The following TRIO variants were observed in gnomAD, a reference collection of about 807,000 sequenced individuals.
The protein encoded by TRIO is trio Rho guanine nucleotide exchange factor.
TRIO carries 58 observed loss-of-function variants against 351.9 expected under a neutral mutation model. That is an observed-to-expected ratio of 0.16 (90% confidence interval 0.13 to 0.21). The LOEUF (loss-of-function observed/expected upper bound fraction) is 0.21, where lower values mean the gene tolerates loss of function less well. Ranked by LOEUF, TRIO falls within the 10% of genes least tolerant of loss-of-function variation. The pLI, the probability that TRIO is intolerant of heterozygous loss-of-function variation, is 1.00. For missense variants in TRIO, 3,201 were observed against 4,027.8 expected (o/e 0.79, Z 5.56); for synonymous variants, 1,758 against 1,595.7 (o/e 1.10, Z -2.42).
intron 1 of TRIO, among the ~76,000 whole-genome samples, chr5:14,179,266 C>T (rs1427842390): frequency 6.6e-6 from 1 of 152,062 alleles, no homozygotes; most frequent in African/African-American, 2.4e-5. Context: ...CCTGTGACTT[C>T]TTTACCATGT....
chr5:14,426,648 C>T (rs971460223), intron 34 of TRIO, among the ~76,000 whole-genome samples: 6 of 152,116 alleles, frequency 3.9e-5, no homozygotes, highest in South Asian at 2.1e-4. Flanking sequence ...TGTTTTAAAC[C>T]GTAGGCTCGG....
intron 9 of TRIO, among the ~76,000 whole-genome samples, chr5:14,329,219 C>T (rs1429488876): frequency 6.6e-6 from 1 of 152,192 alleles, no homozygotes; most frequent in African/African-American, 2.4e-5. Flanking sequence ...CCAGATTGCC[C>T]CCTAGACCAC....
chr5:14,475,565 T>C (rs147119078), intron 40 of TRIO, among the ~76,000 whole-genome samples: 1 of 152,360 alleles, frequency 6.6e-6, no homozygotes, highest in East Asian at 1.9e-4. Flanking sequence ...GAGAGGTCTT[T>C]ATTTTCATAT....
intron 1 of TRIO, among the ~76,000 whole-genome samples, chr5:14,169,867 T>C (rs16903254): frequency 0.024 from 3,609 of 152,286 alleles, 152 homozygotes; most frequent in African/African-American, 0.083. Context: ...TGACCATCTG[T>C]AGAGTGATGT....
intron 19 of TRIO, among the ~76,000 whole-genome samples, chr5:14,374,967 C>T (rs78261732): frequency 0.013 from 1,919 of 152,028 alleles, 47 homozygotes; most frequent in African/African-American, 0.044. Flanking sequence ...TAACTTTGAC[C>T]AGGGATACAC....
intron 1 of TRIO, among the ~76,000 whole-genome samples, chr5:14,233,131 A>G (rs1237111658): frequency 6.6e-6 from 1 of 152,126 alleles, no homozygotes; most frequent in Non-Finnish European, 1.5e-5. Context: ...GATTGAGGTC[A>G]GATACCTAGT....
intron 1 of TRIO, among the ~76,000 whole-genome samples, chr5:14,226,988 T>C (rs1793086477): frequency 6.6e-6 from 1 of 151,904 alleles, no homozygotes; most frequent in Non-Finnish European, 1.5e-5. Context: ...ACAAGCGTCC[T>C]CCAAACAGGG....
At chr5:14,362,142 A>G (rs1464018871) in intron 13 of TRIO, among the ~76,000 whole-genome samples, 1 of 152,172 alleles carries the variant, frequency 6.6e-6, no homozygotes, top group Non-Finnish European at 1.5e-5. Flanking sequence ...TCAAAGCTAT[A>G]CCGAAGCACA....
chr5:14,185,452 C>T (rs187931699), intron 1 of TRIO, among the ~76,000 whole-genome samples: 134 of 152,338 alleles, frequency 8.8e-4, no homozygotes, highest in Non-Finnish European at 7.3e-5. Flanking sequence ...AGCCACAGCA[C>T]GTCTGCTGGC....
intron 1 of TRIO, among the ~76,000 whole-genome samples, chr5:14,230,340 T>TTG (rs59717445): frequency 0.021 from 3,060 of 149,086 alleles, 33 homozygotes; most frequent in Admixed American, 0.04. Flanking sequence ...GGCAAGATGT[T>TTG]TGTGTGTGTG....
At chr5:14,382,855 C>G (rs964384757) in intron 21 of TRIO, among the ~76,000 whole-genome samples, 3 of 144,464 alleles carry the variant, frequency 2.1e-5, no homozygotes, top group Admixed American at 6.9e-5. Flanking sequence ...GTGTGTGTGT[C>G]TGTGTGTGTG....
chr5:14,224,898 G>T (rs1384365377), intron 1 of TRIO, among the ~76,000 whole-genome samples: 3 of 151,928 alleles, frequency 2.0e-5, no homozygotes, highest in South Asian at 2.1e-4. Flanking sequence ...TACGCAATAG[G>T]TGTTTTTAGT....
intron 34 of TRIO, among the ~76,000 whole-genome samples, chr5:14,441,892 C>A (rs1485709406): frequency 6.6e-6 from 1 of 152,190 alleles, no homozygotes; most frequent in Non-Finnish European, 1.5e-5. Context: ...AAGGGAGTGT[C>A]TGTGCCAGAT....
chr5:14,488,752 A>G, intron 48 of TRIO: 1 of 586,480 alleles, frequency 1.7e-6, no homozygotes, highest in South Asian at 2.0e-5. Flanking sequence ...AAAACTTCCA[A>G]CAGCAACTCA....
At chr5:14,368,948 A>T (rs776196329) in intron 17 of TRIO, 49 bp downstream of exon 17, 2 of 1,567,122 alleles carry the variant, frequency 1.3e-6, no homozygotes, top group Admixed American at 3.6e-5. Context: ...CTTTATTTTG[A>T]GCTTAATTTA....
At chr5:14,157,674 A>G (rs894110897) in intron 1 of TRIO, among the ~76,000 whole-genome samples, 1 of 151,814 alleles carries the variant, frequency 6.6e-6, no homozygotes, top group African/African-American at 2.4e-5. Context: ...TGCAGCCTCC[A>G]TCTTCTGGGC....
intron 11 of TRIO, among the ~76,000 whole-genome samples, chr5:14,347,826 A>G (rs1742567400): frequency 6.6e-6 from 1 of 152,180 alleles, no homozygotes; most frequent in Non-Finnish European, 1.5e-5. Flanking sequence ...AAATCTAGAC[A>G]AGGGCCTGTC....
At chr5:14,463,414 A>G (rs1037012663) in intron 36 of TRIO, among the ~76,000 whole-genome samples, 2 of 152,192 alleles carry the variant, frequency 1.3e-5, no homozygotes, top group African/African-American at 2.4e-5. Flanking sequence ...TAGGATCCCT[A>G]CGCTAGAGTG....
At chr5:14,181,803 C>T (rs980813017) in intron 1 of TRIO, among the ~76,000 whole-genome samples, 1 of 152,172 alleles carries the variant, frequency 6.6e-6, no homozygotes, top group Non-Finnish European at 1.5e-5. Context: ...AGTCTGAAGA[C>T]CACATGGTGG....
Sources: gnomAD v4.1 joint callset for allele counts (sites outside exome capture counted in the v4.1 genomes callset) on GRCh38, gnomAD v4.1.1 for gene constraint, MANE v1.5 for transcripts, NCBI Gene and HGNC (gene_info 2026-07-23, HGNC 2026-07-21) for gene names.